Variants in RANBP2 observed in about 807,000 individuals in gnomAD.
RANBP2 encodes the protein E3 SUMO-protein ligase RanBP2.
Under a neutral mutation model 303.6 loss-of-function variants are expected in RANBP2, and 57 were observed. The ratio of observed to expected loss-of-function variants is 0.19; its 90% confidence interval spans 0.15 to 0.23. RANBP2 has a LOEUF of 0.23. Ranked by LOEUF, RANBP2 falls within the 10% of genes least tolerant of loss-of-function variation. The pLI is 1.00. For synonymous variants in RANBP2, 1,167 were observed against 1,301.5 expected, an observed-to-expected ratio of 0.90 and a Z score of 2.23; for missense variants, 3,138 against 3,780.8, an observed-to-expected ratio of 0.83 and a Z score of 4.46.
chr2:109,506,805 G>A, the RANBP2 span, among the ~76,000 whole-genome samples: 1 of 152,204 alleles, frequency 6.6e-6, no homozygotes, highest in Non-Finnish European at 1.5e-5. Flanking sequence ...AGGGGGCTCT[G>A]CTGGTAGCAC....
the RANBP2 span, among the ~76,000 whole-genome samples, chr2:109,379,779 G>A: frequency 1.3e-5 from 2 of 152,106 alleles, no homozygotes; most frequent in Non-Finnish European, 2.9e-5. Flanking sequence ...TCCTGCAGGT[G>A]AAGCCCGGTC....
chr2:109,436,938 A>AG, the RANBP2 span: 8 of 1,613,610 alleles, frequency 5.0e-6, no homozygotes, highest in Non-Finnish European at 6.8e-6. Flanking sequence ...ATGTAGTCGG[A>AG]GGGTCTCCAC....
chr2:109,614,508 T>TGGGGCCCCGAGGCGGCGC, the RANBP2 span: 5 of 1,257,464 alleles, frequency 4.0e-6, no homozygotes, highest in Non-Finnish European at 5.0e-6. Context: ...GCCGGCAGAG[T>TGGGGCCCCGAGGCGGCGC]GGGGCCCCGA....
chr2:109,503,249 T>C, the RANBP2 span: 1 of 152,342 alleles, frequency 6.6e-6, no homozygotes, highest in Non-Finnish European at 1.5e-5. Context: ...TAAATTAAGC[T>C]GAAGAAACTA....
chr2:108,751,740 G>A (rs1573769426), intron 11 of RANBP2, 37 bp downstream of exon 11: 1 of 1,611,582 alleles, frequency 6.2e-7, no homozygotes, highest in East Asian at 2.2e-5. Flanking sequence ...TTCACTTAGT[G>A]CGTAGGTTTT....
the RANBP2 span, chr2:109,585,691 C>T: frequency 2.9e-5 from 42 of 1,443,214 alleles, 2 homozygotes; most frequent in African/African-American, 3.1e-4. Flanking sequence ...TATGAAGGAA[C>T]AACTTAGAGG....
chr2:108,787,794 T>G (rs1288903548), downstream of RANBP2, among the ~76,000 whole-genome samples: 2 of 152,098 alleles, frequency 1.3e-5, no homozygotes, highest in African/African-American at 4.8e-5. Flanking sequence ...TTCGTTAGAT[T>G]GATTATGCAT....
At chr2:109,325,794 C>A in the RANBP2 span, among the ~76,000 whole-genome samples, 1 of 152,212 alleles carries the variant, frequency 6.6e-6, no homozygotes, top group Non-Finnish European at 1.5e-5. Context: ...CTGCTGCACC[C>A]TCCTTATTAC....
the RANBP2 span, among the ~76,000 whole-genome samples, chr2:109,034,063 G>A: frequency 2.7e-5 from 4 of 150,884 alleles, no homozygotes; most frequent in Admixed American, 2.6e-4. Flanking sequence ...AAGGTCAAGA[G>A]ATGGAGAACA....
rs1305806245 is a variant in RANBP2 at position 108,784,000 on chromosome 2, G to A, written c.*99G>A. On this transcript the variant is annotated 3_prime_UTR_variant, in exon 29 of 29. Transcript: ENST00000283195. ...TTATGTTCAGCTTTTGAAAATGGAC[G>A]TTTCCGATTTACAAATGTAAAATTG... The A allele has an allele frequency of 1.8e-5, 21 of 1,168,902 alleles. No individual in the cohort carries two copies. The highest frequency in any genetic ancestry group is 3.1e-5 in the African/African-American group (2 of 64,594). 72.4% of individuals were successfully genotyped at this position (1,168,902 alleles called of 1,614,324 possible). A position where few individuals can be genotyped will look rare whatever the true frequency, so the allele number is the denominator to read the frequency against.
the RANBP2 span, among the ~76,000 whole-genome samples, chr2:109,180,308 G>A: frequency 6.6e-6 from 1 of 152,146 alleles, no homozygotes; most frequent in African/African-American, 2.4e-5. Context: ...TGATTTGGCA[G>A]ATGGTATTGA....
chr2:109,419,648 C>T, the RANBP2 span: 1 of 1,567,340 alleles, frequency 6.4e-7, no homozygotes, highest in Non-Finnish European at 8.6e-7. Context: ...AACGTGTGAG[C>T]TGCCCTTTGT....
chr2:109,130,809 G>A, the RANBP2 span, among the ~76,000 whole-genome samples: 2 of 151,994 alleles, frequency 1.3e-5, no homozygotes, highest in South Asian at 2.1e-4. Context: ...TAGGGCCTTC[G>A]CTGCTTCTGT....
chr2:109,022,130 C>T, the RANBP2 span, among the ~76,000 whole-genome samples: 1 of 152,254 alleles, frequency 6.6e-6, no homozygotes, highest in Non-Finnish European at 1.5e-5. Flanking sequence ...GGGTGCGCCA[C>T]ACCGTCCCCT....
intron 18 of RANBP2, among the ~76,000 whole-genome samples, chr2:108,759,635 A>G (rs1676580903): frequency 1.3e-5 from 2 of 152,194 alleles, no homozygotes; most frequent in Admixed American, 6.5e-5. Flanking sequence ...ATAACAGAAA[A>G]TCTTTGTGAA....
chr2:108,847,433 T>A, the RANBP2 span, among the ~76,000 whole-genome samples: 1 of 152,214 alleles, frequency 6.6e-6, no homozygotes, highest in Non-Finnish European at 1.5e-5. Flanking sequence ...TCTGGCCCTT[T>A]ACAGAAAATG....
chr2:108,903,111 G>A, the RANBP2 span, among the ~76,000 whole-genome samples: 2,013 of 152,226 alleles, frequency 0.013, 62 homozygotes, highest in South Asian at 0.086. Flanking sequence ...AACAATGAAT[G>A]TATGGCTACT....
chr2:109,727,461 GTA>G, the RANBP2 span, among the ~76,000 whole-genome samples: 1 of 152,196 alleles, frequency 6.6e-6, no homozygotes, highest in African/African-American at 2.4e-5. Flanking sequence ...AGCCGAGTCC[GTA>G]TCCTGGAAGT....
the RANBP2 span, chr2:109,613,678 G>C: frequency 1.5e-6 from 1 of 657,676 alleles, no homozygotes; most frequent in Non-Finnish European, 2.1e-6. Context: ...GGGCGGGCGG[G>C]GCCGGAGGGG....
Sources: gnomAD v4.1 joint callset for allele counts (sites outside exome capture counted in the v4.1 genomes callset) on GRCh38, gnomAD v4.1.1 for gene constraint, MANE v1.5 for transcripts, NCBI Gene and HGNC (gene_info 2026-07-23, HGNC 2026-07-21) for gene names.